The following KIF25 variants were observed in gnomAD, a reference collection of about 807,000 sequenced individuals.
KIF25 encodes the protein kinesin-like protein KIF25.
A neutral mutation model predicts 32.9 loss-of-function variants in KIF25; 19 were observed. The observed-to-expected ratio is 0.58, with a 90% CI of 0.40 to 0.85. The LOEUF (loss-of-function observed/expected upper bound fraction) is 0.85, where lower values mean the gene tolerates loss of function less well. KIF25 is among the 40% of genes least tolerant of loss of function. The pLI is 0.00. For missense variants in KIF25, 485 were observed against 507.0 expected, an observed-to-expected ratio of 0.96 and a Z score of 0.42; for synonymous variants, 225 against 213.7, an observed-to-expected ratio of 1.05 and a Z score of -0.46.
Position 168,030,876 on chromosome 6 carries a change from A to G in KIF25, c.167+29A>G, listed in dbSNP as rs757534908. 5.3e-6 allele frequency: 8 copies of G among 1,513,554 alleles called. No homozygotes were observed. In the East Asian group the frequency reaches 1.6e-4, roughly 30 times the overall value. 93.8% of individuals were successfully genotyped at this position (1,513,554 alleles called of 1,614,324 possible). On this transcript the variant is annotated intron_variant, in intron 7 of 12. Coordinates refer to ENST00000643607, the MANE Select transcript of KIF25 (RefSeq NM_030615.4). ...AGTTAAAATATTTTTAAGGCCAGTC[A>G]TCATAGTTACATTTGAATATAAAGA...
intron 4 of KIF25, among the ~76,000 whole-genome samples, chr6:168,011,364 T>C (rs956049354): frequency 6.6e-6 from 1 of 152,210 alleles, no homozygotes; most frequent in African/African-American, 2.4e-5. Context: ...CCCTTGAGTA[T>C]TTCTTGTAAG....
rs148730618 is a variant in KIF25, at chr6:168,023,122, T to C, written c.-95+5082T>C. Among the ~76,000 whole-genome samples, 519 of 152,286 alleles carry C rather than the reference T, an allele frequency of 3.4e-3. 5 individuals carry two copies. Among genetic ancestry groups the C allele is most frequent in the African/African-American group, 0.011 (468 of 41,538 alleles). On this transcript the variant is annotated intron_variant, in intron 5 of 12. Coordinates refer to ENST00000643607, the MANE Select transcript of KIF25 (RefSeq NM_030615.4). ...GCACCTCCATGTCCTGCCTGCTGTC[T>C]CCAGAGGGCAGAAAACCCTGCCTTG...
intron 4 of KIF25, among the ~76,000 whole-genome samples, chr6:168,015,182 C>T (rs1041644228): frequency 7.2e-5 from 11 of 152,136 alleles, no homozygotes; most frequent in Admixed American, 2.6e-4. Context: ...TTGGCTTGCA[C>T]GGAGCTTGTA....
intron 10 of KIF25, among the ~76,000 whole-genome samples, chr6:168,040,639 A>C (rs1161721024): frequency 7.9e-5 from 12 of 152,176 alleles, no homozygotes; most frequent in Non-Finnish European, 1.6e-4. Flanking sequence ...GGGACCCAGC[A>C]TGGGAACAGC....
intron 8 of KIF25, among the ~76,000 whole-genome samples, chr6:168,035,441 A>AACGGCGCTGCGGGGGGGGGGCG (rs1562390528): frequency 2.4e-4 from 3 of 12,512 alleles, no homozygotes; most frequent in South Asian, 2.1e-3. Flanking sequence ...GGCGCGGCGG[A>AACGGCGCTGCGGGGGGGGGGCG]GGAGGCGGGA....
At chr6:168,002,468 A>G (rs1798521436) in intron 2 of KIF25, 75 bp from the exon 3 acceptor site, 2 of 152,334 alleles carry the variant, frequency 1.3e-5, no homozygotes, top group African/African-American at 4.8e-5. Context: ...AAGAAGCTCC[A>G]TAAACGTGTG....
At chr6:168,023,881 C>T (rs920681681) in intron 5 of KIF25, among the ~76,000 whole-genome samples, 2 of 152,208 alleles carry the variant, frequency 1.3e-5, no homozygotes, top group Admixed American at 6.5e-5. Flanking sequence ...TTTTACTACT[C>T]AAGGATTGCA....
At chr6:168,009,648 G>A (rs553988967) in intron 4 of KIF25, among the ~76,000 whole-genome samples, 122 of 152,194 alleles carry the variant, frequency 8.0e-4, no homozygotes, top group African/African-American at 1.9e-3. Flanking sequence ...AGAAGAATTC[G>A]TATTAATTAT....
At chr6:168,010,362 T>A (rs552973713) in intron 4 of KIF25, among the ~76,000 whole-genome samples, 28 of 152,316 alleles carry the variant, frequency 1.8e-4, no homozygotes, top group African/African-American at 6.7e-4. Flanking sequence ...TAAATTTTCA[T>A]TCTTAATTTC....
intron 5 of KIF25, among the ~76,000 whole-genome samples, chr6:168,024,335 C>T (rs939194824): frequency 1.7e-4 from 25 of 151,260 alleles, no homozygotes; most frequent in Admixed American, 3.3e-4. Context: ...TACAATCCTT[C>T]ACTGGGCTGA....
chr6:168,038,497 A>G lies in KIF25; in HGVS notation c.318-56A>G, dbSNP rs1799062952. On this transcript the variant is annotated intron_variant, in intron 8 of 12. Coordinates refer to ENST00000643607, the MANE Select transcript of KIF25 (RefSeq NM_030615.4). Reference sequence around the variant, plus strand: ...GCGTCTGGGGCTATGATTGGCTTACACTGAAAATCACTCTGTGAGACTTTC... The same window carrying G: ...GCGTCTGGGGCTATGATTGGCTTACGCTGAAAATCACTCTGTGAGACTTTC... 2.5e-6 allele frequency: 4 copies of G among 1,579,998 alleles called. No homozygotes were observed. The East Asian group carries it at 8.9e-5, about 35-fold the overall frequency.
intron 2 of KIF25, among the ~76,000 whole-genome samples, chr6:167,999,699 CA>C (rs1376149654): frequency 6.6e-6 from 1 of 152,192 alleles, no homozygotes; most frequent in Non-Finnish European, 1.5e-5. Context: ...TTATGAACCC[CA>C]AAGACCACCC....
chr6:168,017,916 T>C (rs973643873), intron 4 of KIF25, 57 bp from the exon 5 acceptor site: 1 of 152,548 alleles, frequency 6.6e-6, no homozygotes, highest in African/African-American at 2.4e-5. Context: ...GTGGGGCTTG[T>C]GTTTAATTAA....
chr6:167,998,230 C>G lies in KIF25; in HGVS notation c.-1239C>G, dbSNP rs538323121. ...CTTCCTAAGATGGAGTCAAGTCCCACAAGGAAGAATTGGTTGTGGAAGTTT... is the reference window on the plus strand; with the variant it reads ...CTTCCTAAGATGGAGTCAAGTCCCAGAAGGAAGAATTGGTTGTGGAAGTTT... On this transcript the variant is annotated 5_prime_UTR_variant, in exon 1 of 13. Transcript: ENST00000643607. 6.6e-6 allele frequency: 1 copy of G among 151,780 alleles called. No individual in the cohort carries two copies. Among genetic ancestry groups the G allele is most frequent in the African/African-American group, 2.4e-5 (1 of 41,266 alleles). 9.4% of individuals were successfully genotyped at this position (151,780 alleles called of 1,614,324 possible).
At chr6:168,005,198 G>A (rs1798563134) in intron 4 of KIF25, among the ~76,000 whole-genome samples, 1 of 152,152 alleles carries the variant, frequency 6.6e-6, no homozygotes, top group African/African-American at 2.4e-5. Flanking sequence ...GGGGAAGTCC[G>A]AATGTGTCCT....
rs971904674 is a variant in KIF25 at position 167,998,343 on chromosome 6, A to G, written c.-1126A>G. On this transcript the variant is annotated 5_prime_UTR_variant, in exon 1 of 13. Transcript: ENST00000643607. ...ATGGAGAATATGCAGGCAGAGGCTGATCCCAGCTTCTGTGGGTTCATAGAG... is the reference window on the plus strand; with the variant it reads ...ATGGAGAATATGCAGGCAGAGGCTGGTCCCAGCTTCTGTGGGTTCATAGAG... 1.3e-5 allele frequency: 2 copies of G among 152,210 alleles called. No homozygotes were observed. The highest frequency in any genetic ancestry group is 2.9e-5 in the Non-Finnish European group (2 of 68,046). The allele number at this position is 152,210 out of a possible 1,614,324, so 9.4% of individuals were successfully genotyped here. A position where few individuals can be genotyped will look rare whatever the true frequency, so the allele number is the denominator to read the frequency against.
At position 168,038,373 on chromosome 6, in the gene KIF25, C is replaced by A. The variant is rs548586500; in HGVS notation, c.318-180C>A. On this transcript the variant is annotated intron_variant, in intron 8 of 12. Coordinates refer to ENST00000643607, the MANE Select transcript of KIF25 (RefSeq NM_030615.4). ...GCTCCCAAGACACGTATTCACCCTA[C>A]AACCTAAATGGCACACCCTATTTCC... is the stretch of plus-strand genomic sequence containing the variant. Among the ~76,000 whole-genome samples the A allele has an allele frequency of 3.9e-5, 6 of 152,296 alleles. No homozygotes were observed. The South Asian group carries it at 1.2e-3, about 32-fold the overall frequency.
chr6:168,005,206 C>T (rs1419269365), intron 4 of KIF25, among the ~76,000 whole-genome samples: 1 of 152,094 alleles, frequency 6.6e-6, no homozygotes, highest in Non-Finnish European at 1.5e-5. Flanking sequence ...CCGAATGTGT[C>T]CTGGGTATAT....
intron 8 of KIF25, chr6:168,035,971 T>G (rs1799020013): frequency 3.1e-6 from 1 of 325,282 alleles, no homozygotes; most frequent in Non-Finnish European, 6.2e-6. Context: ...TGTTCGTGAC[T>G]CAAGTTGCAA....
Sources: allele counts gnomAD v4.1 joint callset (sites outside exome capture counted in the v4.1 genomes callset), GRCh38; gene constraint gnomAD v4.1.1; transcripts MANE v1.5; gene names NCBI Gene and HGNC (gene_info 2026-07-23, HGNC 2026-07-21).